The following AKAP9 variants were observed in gnomAD, a reference collection of about 807,000 sequenced individuals.
AKAP9 encodes the protein A-kinase anchoring protein 9.
A neutral mutation model predicts 488.5 loss-of-function variants in AKAP9; 311 were observed. That is an observed-to-expected ratio of 0.64 (90% CI 0.58 to 0.70). AKAP9 has a LOEUF of 0.70. Among genes scored for constraint, AKAP9 ranks in the 30% least tolerant of loss-of-function variants. The pLI is 0.00. For missense variants in AKAP9, 4,215 were observed against 4,374.5 expected, an observed-to-expected ratio of 0.96 and a Z score of 1.03; for synonymous variants, 1,462 against 1,483.5, an observed-to-expected ratio of 0.99 and a Z score of 0.33.
chr7:92,034,496 A>ATTTTTTTTT (rs1364779899), intron 16 of AKAP9, among the ~76,000 whole-genome samples: 5 of 104,276 alleles, frequency 4.8e-5, no homozygotes, highest in Admixed American at 1.1e-4. Flanking sequence ...ATATATATAT[A>ATTTTTTTTT]TATTTTTTTT....
chr7:91,941,008 C>G lies in AKAP9; in HGVS notation c.-92C>G. Reference sequence around the variant, plus strand: ...CGAATCGGCTCTCTAGGCCGTGGAGCTTGCCGTCCCACCTCCGTCCAAATC... The same window carrying G: ...CGAATCGGCTCTCTAGGCCGTGGAGGTTGCCGTCCCACCTCCGTCCAAATC... On this transcript the variant is annotated 5_prime_UTR_variant, in exon 1 of 50. Transcript: ENST00000356239. 1 of 1,325,618 alleles carries G rather than the reference C, an allele frequency of 7.5e-7. No individual in the cohort carries two copies. Among genetic ancestry groups the G allele is most frequent in the South Asian group, 1.2e-5 (1 of 85,204 alleles). 82.1% of individuals were successfully genotyped at this position (1,325,618 alleles called of 1,614,324 possible). A position where few individuals can be genotyped will look rare whatever the true frequency, so the allele number is the denominator to read the frequency against.
At chr7:92,091,489 G>A (rs1317249560) in intron 38 of AKAP9, among the ~76,000 whole-genome samples, 1 of 151,624 alleles carries the variant, frequency 6.6e-6, no homozygotes, top group Non-Finnish European at 1.5e-5. Flanking sequence ...GGGAGGCTGA[G>A]GCAGGAGAAT....
rs766763485 is a variant in AKAP9 at position 92,052,905 on chromosome 7, C to T, written c.5548C>T (p.Leu1850=). 3 of 1,613,684 alleles carry T rather than the reference C, an allele frequency of 1.9e-6. No homozygotes were observed. Among genetic ancestry groups the T allele is most frequent in the Admixed American group, 1.7e-5 (1 of 59,972 alleles). ...ACTTATGCTGAACATTAGCTCTCGACTACAAGCAGCAGTTGAAAAACTCCT... is the reference window on the plus strand; with the variant it reads ...ACTTATGCTGAACATTAGCTCTCGATTACAAGCAGCAGTTGAAAAACTCCT... ...EELMLNISSR[L]QAAVEKLLEA... Residue 1850 remains leucine (L), a synonymous_variant, in exon 22 of 50, where the codon CTA becomes TTA. Transcript: ENST00000356239.
chr7:92,031,475 A>G, intron 15 of AKAP9, 37 bp from the exon 16 acceptor site: 2 of 1,379,772 alleles, frequency 1.4e-6, no homozygotes, highest in Non-Finnish European at 2.1e-6. Flanking sequence ...GTGTATAATT[A>G]ATGTAAATAA....
At chr7:91,999,638 T>C (rs1346244183) in intron 7 of AKAP9, among the ~76,000 whole-genome samples, 1 of 152,228 alleles carries the variant, frequency 6.6e-6, no homozygotes, top group East Asian at 1.9e-4. Context: ...TAGGCTGAGA[T>C]AACCTGATCT....
chr7:91,955,115 G>C (rs1202380736), intron 1 of AKAP9, among the ~76,000 whole-genome samples: 2 of 152,010 alleles, frequency 1.3e-5, no homozygotes, highest in African/African-American at 2.4e-5. Flanking sequence ...TTACCTCCTT[G>C]TTCCCTAATT....
At chr7:92,012,957 CAGT>C (rs1004820546) in intron 9 of AKAP9, among the ~76,000 whole-genome samples, 6 of 131,272 alleles carry the variant, frequency 4.6e-5, no homozygotes, top group African/African-American at 1.8e-4. Context: ...AGGTGGTAGA[CAGT>C]GGTGGGGTTG....
intron 1 of AKAP9, among the ~76,000 whole-genome samples, chr7:91,965,764 G>A (rs1461792247): frequency 6.6e-6 from 1 of 152,110 alleles, no homozygotes; most frequent in African/African-American, 2.4e-5. Flanking sequence ...GTTTTGATTT[G>A]CAATTCTCTG....
At chr7:92,036,727 A>G (rs547429505) in intron 16 of AKAP9, among the ~76,000 whole-genome samples, 157 of 152,336 alleles carry the variant, frequency 1.0e-3, no homozygotes, top group African/African-American at 3.7e-3. Context: ...GAGGCAGATC[A>G]GGTTCAAGAC....
chr7:92,096,244 T>C (rs1816542558), intron 40 of AKAP9, among the ~76,000 whole-genome samples: 1 of 151,920 alleles, frequency 6.6e-6, no homozygotes, highest in Admixed American at 6.6e-5. Flanking sequence ...TTTAAGTTAA[T>C]AAACTAAATA....
intron 23 of AKAP9, among the ~76,000 whole-genome samples, 190 bp downstream of exon 23, chr7:92,061,612 ATATATAT>A (rs1809841082): frequency 7.0e-6 from 1 of 142,574 alleles, no homozygotes; most frequent in African/African-American, 2.6e-5. Flanking sequence ...ATATATATAT[ATATATAT>A]AAAATTATAA....
chr7:91,954,311 G>A (rs1159996492), intron 1 of AKAP9, among the ~76,000 whole-genome samples: 1 of 152,154 alleles, frequency 6.6e-6, no homozygotes, highest in Non-Finnish European at 1.5e-5. Flanking sequence ...TTGAGACAGG[G>A]TCTCACTCTG....
At chr7:92,053,710 G>A (rs935057172) in intron 22 of AKAP9, among the ~76,000 whole-genome samples, 14 of 152,150 alleles carry the variant, frequency 9.2e-5, no homozygotes, top group African/African-American at 3.1e-4. Flanking sequence ...ATCACTGAAT[G>A]GATCACAAAA....
intron 35 of AKAP9, 107 bp downstream of exon 35, chr7:92,085,047 T>G: frequency 7.8e-7 from 1 of 1,284,156 alleles, no homozygotes; most frequent in Non-Finnish European, 1.1e-6. Context: ...AAGAGAGAAT[T>G]GCTTAGCTAG....
chr7:91,974,100 T>C, intron 2 of AKAP9, 132 bp downstream of exon 2: 1 of 1,029,860 alleles, frequency 9.7e-7, no homozygotes, highest in Non-Finnish European at 1.5e-6. Flanking sequence ...GTATGGTAAC[T>C]AAACAGTCAT....
chr7:91,943,374 A>T (rs1479109564), intron 1 of AKAP9, among the ~76,000 whole-genome samples: 2 of 152,248 alleles, frequency 1.3e-5, no homozygotes, highest in African/African-American at 4.8e-5. Context: ...TAGTATGTAC[A>T]TTATTTCATT....
In AKAP9 at chr7:92,084,804, TTTTC is replaced by T. The variant is rs915004114; in HGVS notation, c.8711-11_8711-8del. ...TTTTTTTTTTTTTAACAGCAAATTA[TTTTC>T]TTTATTTTAGATTCTGGATCAGACT... is the stretch of plus-strand genomic sequence containing the variant. On this transcript the variant is annotated splice_polypyrimidine_tract_variant and intron_variant, in intron 34 of 49. Transcript: ENST00000356239. 3.1e-6 allele frequency: 5 copies of T among 1,611,596 alleles called. No homozygotes were observed. The African/African-American group carries it at 5.4e-5, about 17-fold the overall frequency.
chr7:92,097,844 T>C (rs1400048796), intron 42 of AKAP9, 50 bp downstream of exon 42: 1 of 1,570,630 alleles, frequency 6.4e-7, no homozygotes, highest in South Asian at 1.1e-5. Flanking sequence ...TTAGGCTGGG[T>C]AGACCCCATG....
At chr7:92,040,598 A>T in intron 17 of AKAP9, 76 bp from the exon 18 acceptor site, 1 of 1,030,498 alleles carries the variant, frequency 9.7e-7, no homozygotes, top group South Asian at 1.5e-5. Context: ...GTATTTGTTT[A>T]CAATATTAAT....
Sources: allele counts gnomAD v4.1 joint callset (sites outside exome capture counted in the v4.1 genomes callset), GRCh38; gene constraint gnomAD v4.1.1; transcripts MANE v1.5; gene names NCBI Gene and HGNC (gene_info 2026-07-23, HGNC 2026-07-21).